TBC1D22A: variants seen among roughly 807,000 people sequenced by gnomAD.
TBC1D22A encodes the protein putative GTPase activator.
TBC1D22A carries 38 observed loss-of-function variants against 60.2 expected under a neutral mutation model. That is an observed-to-expected ratio of 0.63 (90% CI 0.49 to 0.83). The LOEUF (loss-of-function observed/expected upper bound fraction) is 0.83, where lower values mean the gene tolerates loss of function less well. TBC1D22A is among the 40% of genes least tolerant of loss of function. The pLI, the probability that TBC1D22A is intolerant of heterozygous loss-of-function variation, is 0.00. For missense variants in TBC1D22A, 628 were observed against 701.0 expected, an observed-to-expected ratio of 0.90 and a Z score of 1.18; for synonymous variants, 302 against 281.7, an observed-to-expected ratio of 1.07 and a Z score of -0.72.
At chr22:46,798,869 C>T (rs760033458) in intron 4 of TBC1D22A, among the ~76,000 whole-genome samples, 6 of 152,204 alleles carry the variant, frequency 3.9e-5, no homozygotes, top group African/African-American at 9.6e-5. Flanking sequence ...CGGGCCTTCA[C>T]GCTCAAGCCC....
intron 11 of TBC1D22A, among the ~76,000 whole-genome samples, chr22:47,065,657 G>GGACTTGGCAGGCCTC (rs1556045879): frequency 6.6e-6 from 1 of 150,528 alleles, no homozygotes; most frequent in Non-Finnish European, 1.5e-5. Context: ...GTTGGATTGA[G>GGACTTGGCAGGCCTC]GGAGACCTGC....
intron 10 of TBC1D22A, among the ~76,000 whole-genome samples, chr22:47,030,891 C>T (rs755644751): frequency 3.3e-5 from 5 of 152,234 alleles, no homozygotes; most frequent in African/African-American, 9.6e-5. Flanking sequence ...GAGGCTTTCC[C>T]GCTGGGGATG....
At chr22:46,792,497 G>C in intron 1 of TBC1D22A, 23 bp from the exon 2 acceptor site, 1 of 1,614,212 alleles carries the variant, frequency 6.2e-7, no homozygotes, top group Non-Finnish European at 8.5e-7. Context: ...AGGCTCACTG[G>C]TTTTCCTTTT....
intron 1 of TBC1D22A, among the ~76,000 whole-genome samples, chr22:46,773,575 C>T (rs1395750182): frequency 1.3e-5 from 2 of 152,226 alleles, no homozygotes; most frequent in African/African-American, 4.8e-5. Context: ...AGCAGTTCTC[C>T]TGCCTCAGCC....
At chr22:46,967,778 A>C (rs1329905003) in intron 8 of TBC1D22A, among the ~76,000 whole-genome samples, 2 of 152,104 alleles carry the variant, frequency 1.3e-5, no homozygotes, top group Non-Finnish European at 2.9e-5. Context: ...ACCCCCTGGT[A>C]ATTACAAGCT....
At chr22:47,125,494 A>G (rs1280719309) in intron 12 of TBC1D22A, among the ~76,000 whole-genome samples, 1 of 152,222 alleles carries the variant, frequency 6.6e-6, no homozygotes, top group Non-Finnish European at 1.5e-5. Flanking sequence ...AATGCAGTAG[A>G]ATTGGAAGGT....
intron 8 of TBC1D22A, among the ~76,000 whole-genome samples, chr22:46,924,028 T>A: frequency 6.6e-6 from 1 of 152,276 alleles, no homozygotes; most frequent in Non-Finnish European, 1.5e-5. Flanking sequence ...TTTGAAGATT[T>A]TGAATTAAGG....
intron 11 of TBC1D22A, among the ~76,000 whole-genome samples, chr22:47,098,922 G>A (rs2147659640): frequency 6.6e-6 from 1 of 152,316 alleles, no homozygotes; most frequent in Middle Eastern, 3.4e-3. Flanking sequence ...GGCGTAGGGG[G>A]CAGTCAGGTG....
chr22:46,815,642 G>A (rs537315998), intron 4 of TBC1D22A, among the ~76,000 whole-genome samples: 7 of 152,190 alleles, frequency 4.6e-5, no homozygotes, highest in Non-Finnish European at 8.8e-5. Context: ...CATTTACTCG[G>A]AAAATGTTTC....
At chr22:46,916,918 C>T (rs773427356) in intron 8 of TBC1D22A, among the ~76,000 whole-genome samples, 3 of 152,134 alleles carry the variant, frequency 2.0e-5, no homozygotes, top group South Asian at 2.1e-4. Flanking sequence ...AGGAAGGTTT[C>T]GCAGCTCATA....
At chr22:47,034,215 G>C (rs959086321) in intron 10 of TBC1D22A, among the ~76,000 whole-genome samples, 4 of 152,236 alleles carry the variant, frequency 2.6e-5, no homozygotes, top group African/African-American at 9.6e-5. Flanking sequence ...CTCTGGACCT[G>C]CACTGCAGCC....
intron 4 of TBC1D22A, among the ~76,000 whole-genome samples, chr22:46,818,270 A>T (rs1003099372): frequency 6.6e-6 from 1 of 152,152 alleles, no homozygotes; most frequent in Non-Finnish European, 1.5e-5. Context: ...TCATTTGTCA[A>T]TTTTGGCTTA....
intron 4 of TBC1D22A, among the ~76,000 whole-genome samples, chr22:46,823,728 C>G (rs2085927205): frequency 1.3e-5 from 2 of 152,382 alleles, no homozygotes; most frequent in South Asian, 2.1e-4. Context: ...ACTGCTGGGT[C>G]TGCTCTGCCT....
intron 8 of TBC1D22A, among the ~76,000 whole-genome samples, chr22:46,921,739 T>A (rs1226273204): frequency 1.3e-5 from 2 of 151,842 alleles, no homozygotes; most frequent in Non-Finnish European, 2.9e-5. Flanking sequence ...GTCTACAACC[T>A]CCACAGCATC....
chr22:47,088,407 A>T (rs1242242892), intron 11 of TBC1D22A, among the ~76,000 whole-genome samples: 4 of 152,322 alleles, frequency 2.6e-5, no homozygotes, highest in African/African-American at 9.6e-5. Context: ...CTAGCCAAAA[A>T]TAGGAAAACA....
intron 11 of TBC1D22A, among the ~76,000 whole-genome samples, chr22:47,038,106 G>T (rs893186005): frequency 2.6e-5 from 4 of 152,280 alleles, no homozygotes; most frequent in East Asian, 1.9e-4. Flanking sequence ...GCGGTGCTGT[G>T]GGGGGTTTAC....
At chr22:46,867,157 G>A (rs192823930) in intron 4 of TBC1D22A, among the ~76,000 whole-genome samples, 1,671 of 152,352 alleles carry the variant, frequency 0.011, 18 homozygotes, top group Non-Finnish European at 0.018. Context: ...GATCAATGAA[G>A]AATAGATATC....
intron 4 of TBC1D22A, among the ~76,000 whole-genome samples, chr22:46,874,620 C>A (rs115542344): frequency 8.4e-6 from 1 of 118,822 alleles, no homozygotes; most frequent in East Asian, 2.8e-4. Context: ...TGCACCCAGG[C>A]TGGAATGCAG....
At chr22:46,771,717 C>G (rs2083486146) in intron 1 of TBC1D22A, among the ~76,000 whole-genome samples, 1 of 151,972 alleles carries the variant, frequency 6.6e-6, no homozygotes, top group South Asian at 2.1e-4. Context: ...GTCTCAGCCT[C>G]CCGAGTGGCT....
Sources: gnomAD v4.1 joint callset for allele counts (sites outside exome capture counted in the v4.1 genomes callset) on GRCh38, gnomAD v4.1.1 for gene constraint, MANE v1.5 for transcripts, NCBI Gene and HGNC (gene_info 2026-07-23, HGNC 2026-07-21) for gene names.